PHKA1: variants seen among roughly 807,000 people sequenced by gnomAD.
PHKA1 encodes phosphorylase kinase regulatory subunit alpha 1, also known as phosphorylase b kinase regulatory subunit alpha, skeletal muscle isoform.
A neutral mutation model predicts 110.2 loss-of-function variants in PHKA1; 60 were observed. The ratio of observed to expected loss-of-function variants is 0.54; its 90% CI spans 0.44 to 0.68. PHKA1 has a LOEUF of 0.68. Ranked by LOEUF, PHKA1 falls within the 30% of genes least tolerant of loss-of-function variation. The pLI, the probability that PHKA1 is intolerant of heterozygous loss-of-function variation, is 0.00. For synonymous variants in PHKA1, 316 were observed against 333.6 expected (o/e 0.95, Z 0.58); for missense variants, 801 against 942.5 (o/e 0.85, Z 1.97).
chrX:72,630,526 T>G (rs1294098745), intron 16 of PHKA1, among the ~76,000 whole-genome samples: 3 of 111,485 alleles, frequency 2.7e-5, no homozygotes, highest in Admixed American at 9.5e-5. Context: ...AATGTCTTTT[T>G]TCCTTTTATT....
intron 14 of PHKA1, among the ~76,000 whole-genome samples, chrX:72,637,418 T>C (rs2053242957): frequency 8.9e-6 from 1 of 112,404 alleles, no homozygotes; most frequent in Non-Finnish European, 1.9e-5. Context: ...CCATTTTGGG[T>C]ATACATTTTG....
At chrX:72,641,002 A>G (rs782083885) in intron 14 of PHKA1, among the ~76,000 whole-genome samples, 1 of 111,387 alleles carries the variant, frequency 9.0e-6, no homozygotes, top group Non-Finnish European at 1.9e-5. Flanking sequence ...ATAAGCAAGC[A>G]ATTGTAGACA....
Position 72,710,901 on chromosome X carries a change from G to A in PHKA1, c.237+1878C>T, listed in dbSNP as rs184852720. 2.1e-3 allele frequency among the ~76,000 whole-genome samples: 206 copies of A among 99,793 alleles called. 1 individual carries two copies. Among genetic ancestry groups the A allele is most frequent in the Non-Finnish European group, 2.7e-3 (134 of 50,040 alleles). The allele number at this position is 99,793 out of a possible 115,157, so 86.7% of individuals were successfully genotyped here. A position where few individuals can be genotyped will look rare whatever the true frequency, so the allele number is the denominator to read the frequency against. On this transcript the variant is annotated intron_variant, in intron 2 of 31. Transcript: ENST00000373542. ...TTTTGAGACGGAGTCTCGCTCTGTC[G>A]CCCAGGCTGGAGTGCAGTGGCGCGA...
chrX:72,606,615 G>A (rs1024433232), intron 23 of PHKA1, among the ~76,000 whole-genome samples: 4 of 109,350 alleles, frequency 3.7e-5, no homozygotes, highest in African/African-American at 1.3e-4. Context: ...TATATTTCTG[G>A]GGTACATGAG....
intron 16 of PHKA1, among the ~76,000 whole-genome samples, chrX:72,627,625 A>T (rs1556283591): frequency 9.0e-6 from 1 of 111,365 alleles, no homozygotes; most frequent in East Asian, 2.8e-4. Context: ...CACTGTAATG[A>T]AGACCATTGT....
intron 6 of PHKA1, among the ~76,000 whole-genome samples, chrX:72,669,911 G>C (rs1556308185): frequency 9.1e-6 from 1 of 110,492 alleles, no homozygotes; most frequent in Non-Finnish European, 1.9e-5. Context: ...TGGGATGGCT[G>C]GGTCAAATGG....
At chrX:72,599,266 T>A (rs1374909127) in intron 28 of PHKA1, among the ~76,000 whole-genome samples, 1 of 111,526 alleles carries the variant, frequency 9.0e-6, no homozygotes, top group African/African-American at 3.3e-5. Flanking sequence ...CTCTTCAGCT[T>A]GAGAAATCTG....
chrX:72,644,271 A>G (rs1283657103), intron 14 of PHKA1, 91 bp downstream of exon 14: 5 of 975,086 alleles, frequency 5.1e-6, no homozygotes, highest in Admixed American at 2.5e-5. Context: ...AGCTTAATAA[A>G]GCAATACACA....
chrX:72,652,727 G>A lies in PHKA1; in HGVS notation c.1138-76C>T, dbSNP rs781841947. On this transcript the variant is annotated intron_variant, in intron 11 of 31. Transcript: ENST00000373542. The stretch of plus-strand genomic sequence containing the variant: ...TACTGGATAATAAAAAGGTGGACTG[G>A]ATTGTAATTTATACCCTATGTAGCT... 2.7e-5 allele frequency: 17 copies of A among 636,630 alleles called. No homozygotes were observed. In the Admixed American group the frequency reaches 2.9e-4, roughly 11 times the overall value. 52.5% of individuals were successfully genotyped at this position (636,630 alleles called of 1,213,427 possible).
intron 12 of PHKA1, 49 bp downstream of exon 12, chrX:72,652,495 G>T: frequency 1.5e-6 from 1 of 684,495 alleles, no homozygotes; most frequent in Non-Finnish European, 2.4e-6. Flanking sequence ...TGATTATTAT[G>T]GTGACTTAAG....
rs781858868 is a variant in PHKA1 at position 72,620,543 on chromosome X, A to G, written c.2137+182T>C. ...ATAGCACTACCTGCAGCATAACTAT[A>G]CACAATTCACTCATTTTACAAATAT... On this transcript the variant is annotated intron_variant, in intron 19 of 31. Transcript: ENST00000373542. Among the ~76,000 whole-genome samples, 24 of 112,170 alleles carry G rather than the reference A, an allele frequency of 2.1e-4. No homozygotes were observed. The South Asian group carries it at 9.0e-3, about 42-fold the overall frequency.
chrX:72,714,144 C>T lies in PHKA1; in HGVS notation c.-264G>A. 2 of 389,872 alleles carry T rather than the reference C, an allele frequency of 5.1e-6. No homozygotes were observed. Among genetic ancestry groups the T allele is most frequent in the Admixed American group, 4.3e-5 (1 of 23,499 alleles). The allele number at this position is 389,872 out of a possible 1,213,427, so 32.1% of individuals were successfully genotyped here. A position where few individuals can be genotyped will look rare whatever the true frequency, so the allele number is the denominator to read the frequency against. On this transcript the variant is annotated 5_prime_UTR_variant, in exon 1 of 32. Transcript: ENST00000373542. Reference sequence around the variant, plus strand: ...GAGCCCCGCCGCAGCGCCCCAGGCGCCGCTCCTGCCCCCTTAGTCCAGTCC... The same window carrying T: ...GAGCCCCGCCGCAGCGCCCCAGGCGTCGCTCCTGCCCCCTTAGTCCAGTCC...
chrX:72,600,914 T>C (rs1467964306), intron 28 of PHKA1, among the ~76,000 whole-genome samples: 3 of 111,914 alleles, frequency 2.7e-5, no homozygotes, highest in East Asian at 2.8e-4. Context: ...ACTCCTCTTC[T>C]GGGGGTTTCA....
intron 2 of PHKA1, chrX:72,707,747 C>T (rs1411119970): frequency 4.6e-5 from 5 of 109,793 alleles, no homozygotes; most frequent in African/African-American, 1.7e-4. Flanking sequence ...GTTTATTTTA[C>T]TATTCTTGCA....
intron 6 of PHKA1, among the ~76,000 whole-genome samples, chrX:72,674,580 T>C (rs1482985933): frequency 8.9e-6 from 1 of 112,134 alleles, no homozygotes; most frequent in Non-Finnish European, 1.9e-5. Flanking sequence ...TTTTTTCATG[T>C]GTCTTTTGGA....
At chrX:72,617,377 G>A (rs983647352) in intron 21 of PHKA1, among the ~76,000 whole-genome samples, 1 of 110,844 alleles carries the variant, frequency 9.0e-6, no homozygotes, top group East Asian at 2.8e-4. Context: ...ACATTTAGCC[G>A]GACATGGTGG....
chrX:72,682,267 GC>G (rs1556316230), intron 5 of PHKA1, among the ~76,000 whole-genome samples: 10 of 89,990 alleles, frequency 1.1e-4, no homozygotes, highest in African/African-American at 4.2e-4. Context: ...CCGGCCAGCC[GC>G]CCCGTCCGGG....
intron 26 of PHKA1, 108 bp from the exon 27 acceptor site, chrX:72,602,381 T>C (rs1270876612): frequency 1.9e-6 from 1 of 526,332 alleles, no homozygotes; most frequent in Non-Finnish European, 3.4e-6. Flanking sequence ...TTTAACTTAA[T>C]TTAAAAACTA....
intron 6 of PHKA1, among the ~76,000 whole-genome samples, chrX:72,675,191 A>T (rs1425305088): frequency 6.5e-5 from 7 of 107,838 alleles, no homozygotes; most frequent in Admixed American, 1.0e-4. Flanking sequence ...CCGTCTCAAA[A>T]AATAATAATA....
Sources: gnomAD v4.1 joint callset for allele counts (sites outside exome capture counted in the v4.1 genomes callset) on GRCh38, gnomAD v4.1.1 for gene constraint, MANE v1.5 for transcripts, NCBI Gene and HGNC (gene_info 2026-07-23, HGNC 2026-07-21) for gene names.